Variants in TLE1 observed in about 807,000 individuals in gnomAD.
The protein encoded by TLE1 is transducin-like enhancer protein 1.
In TLE1, 21 loss-of-function variants were observed where a neutral mutation model predicts 89.8. The observed-to-expected ratio is 0.23, with a 90% CI of 0.17 to 0.34. The LOEUF (loss-of-function observed/expected upper bound fraction) is 0.34. TLE1 is among the 10% of genes least tolerant of loss of function. TLE1 has a pLI of 1.00. For missense variants in TLE1, 795 were observed against 1,031.2 expected, an observed-to-expected ratio of 0.77 and a Z score of 3.14; for synonymous variants, 447 against 407.6, an observed-to-expected ratio of 1.10 and a Z score of -1.16.
At chr9:81,607,520 C>T (rs1279715842) in intron 14 of TLE1, among the ~76,000 whole-genome samples, 1 of 152,216 alleles carries the variant, frequency 6.6e-6, no homozygotes, top group Non-Finnish European at 1.5e-5. Context: ...ACTCTTGAAG[C>T]TAGCTTTTTC....
At chr9:81,670,532 G>A (rs999775691) in intron 4 of TLE1, among the ~76,000 whole-genome samples, 1 of 152,046 alleles carries the variant, frequency 6.6e-6, no homozygotes, top group Admixed American at 6.6e-5. Flanking sequence ...CACCATATTG[G>A]CCAGACTGGT....
intron 16 of TLE1, among the ~76,000 whole-genome samples, chr9:81,588,648 C>A (rs980410067): frequency 3.3e-5 from 5 of 152,170 alleles, no homozygotes; most frequent in African/African-American, 7.2e-5. Context: ...TGCAAGGCAA[C>A]TAGCAGAGCT....
chr9:81,641,691 A>G (rs1449170680), intron 6 of TLE1, among the ~76,000 whole-genome samples: 1 of 152,236 alleles, frequency 6.6e-6, no homozygotes, highest in Non-Finnish European at 1.5e-5. Context: ...GCTCAATATC[A>G]TTAATCATGA....
In TLE1 at chr9:81,688,357, C is replaced by G; in HGVS notation, c.-117G>C. 1.7e-6 allele frequency: 2 copies of G among 1,199,122 alleles called. No homozygotes were observed. Among genetic ancestry groups the G allele is most frequent in the Non-Finnish European group, 2.2e-6 (2 of 902,650 alleles). The allele number at this position is 1,199,122 out of a possible 1,614,324, so 74.3% of individuals were successfully genotyped here. On this transcript the variant is annotated 5_prime_UTR_variant, in exon 1 of 20. Coordinates refer to ENST00000376499, the MANE Select transcript of TLE1 (RefSeq NM_005077.5). The stretch of plus-strand genomic sequence containing the variant: ...AAGCCAAGCAGAAGCGGGGAGCGCG[C>G]TGGCCACGCACGCGCGCTCCGCCGG...
At chr9:81,600,601 G>A (rs1275354962) in intron 14 of TLE1, among the ~76,000 whole-genome samples, 1 of 147,836 alleles carries the variant, frequency 6.8e-6, no homozygotes, top group Non-Finnish European at 1.5e-5. Flanking sequence ...AACAAAATGG[G>A]CATGTTATTT....
intron 4 of TLE1, among the ~76,000 whole-genome samples, chr9:81,660,574 C>T (rs1204207277): frequency 1.3e-5 from 2 of 150,466 alleles, no homozygotes; most frequent in African/African-American, 2.4e-5. Flanking sequence ...CTACCACACC[C>T]GGCTAATTTT....
At chr9:81,665,767 G>T (rs1831385083) in intron 4 of TLE1, among the ~76,000 whole-genome samples, 1 of 151,996 alleles carries the variant, frequency 6.6e-6, no homozygotes, top group South Asian at 2.1e-4. Flanking sequence ...GAATGACAAA[G>T]CAACTCTATT....
intron 4 of TLE1, among the ~76,000 whole-genome samples, chr9:81,685,014 A>G (rs111952040): frequency 3.9e-5 from 6 of 152,196 alleles, no homozygotes; most frequent in African/African-American, 1.4e-4. Context: ...GCAAACTCAT[A>G]GTCATTGCTA....
intron 14 of TLE1, among the ~76,000 whole-genome samples, chr9:81,608,914 G>A (rs1333564026): frequency 2.7e-5 from 4 of 150,900 alleles, no homozygotes; most frequent in African/African-American, 9.8e-5. Context: ...TCCAGCCTCG[G>A]CAACGAGTGA....
intron 6 of TLE1, among the ~76,000 whole-genome samples, chr9:81,639,479 C>T (rs377232053): frequency 1.3e-5 from 2 of 151,490 alleles, no homozygotes; most frequent in Admixed American, 6.6e-5. Flanking sequence ...CATTAGTTTA[C>T]AGTAATTAGG....
intron 4 of TLE1, among the ~76,000 whole-genome samples, chr9:81,659,614 T>G (rs1248913824): frequency 1.3e-5 from 2 of 152,174 alleles, no homozygotes; most frequent in Non-Finnish European, 2.9e-5. Flanking sequence ...GGAGTCCAAA[T>G]TACCTGTCTA....
chr9:81,592,923 C>G (rs1829745154), intron 15 of TLE1, 102 bp downstream of exon 15: 1 of 1,464,094 alleles, frequency 6.8e-7, no homozygotes, highest in Non-Finnish European at 9.1e-7. Context: ...GAAGGGGCTT[C>G]TATTTCCTCA....
At chr9:81,596,297 G>A (rs1385364375) in intron 14 of TLE1, among the ~76,000 whole-genome samples, 1 of 152,088 alleles carries the variant, frequency 6.6e-6, no homozygotes, top group Non-Finnish European at 1.5e-5. Context: ...CCGTCCCACG[G>A]GAAGCCCATA....
intron 13 of TLE1, 72 bp from the exon 14 acceptor site, chr9:81,610,368 A>G (rs766087125): frequency 2.4e-5 from 27 of 1,131,562 alleles, no homozygotes; most frequent in Non-Finnish European, 3.3e-5. Flanking sequence ...AATACTGTTC[A>G]TTAGAAACTC....
rs1390096489 is a variant in TLE1 at position 81,671,521 on chromosome 9, T to G, written c.234+14155A>C. 2.0e-5 allele frequency among the ~76,000 whole-genome samples: 3 copies of G among 152,042 alleles called. No individual in the cohort carries two copies. The East Asian group carries it at 5.8e-4, about 30-fold the overall frequency. ...TTAGCAGGGCGTGGTGGCATGTGCC[T>G]GTAATCCCAGCTACTCGAGAGGCCA... On this transcript the variant is annotated intron_variant, in intron 4 of 19. Coordinates refer to ENST00000376499, the MANE Select transcript of TLE1 (RefSeq NM_005077.5).
At chr9:81,622,015 C>T (rs746703833) in intron 8 of TLE1, among the ~76,000 whole-genome samples, 6 of 152,046 alleles carry the variant, frequency 3.9e-5, no homozygotes, top group Admixed American at 6.6e-5. Context: ...AAAGGTGAGC[C>T]GGCTGGATCC....
At chr9:81,619,123 T>C (rs944771876) in intron 9 of TLE1, among the ~76,000 whole-genome samples, 8 of 152,186 alleles carry the variant, frequency 5.3e-5, no homozygotes, top group Non-Finnish European at 8.8e-5. Flanking sequence ...CTGCATGTCA[T>C]AAACCTTCCA....
In TLE1 at chr9:81,590,932, C is replaced by T; in HGVS notation, c.1702G>A (p.Ala568Thr). ...GCGGGGGCCGAGGACGTCAGCTCCG[C>T]CTTGATGCGCGGGGTTGGAGCCGCC... ...DLAAPTPRIK[A>T]ELTSSAPACY... The change falls in exon 16 of 20, where the codon GCG becomes ACG. Residue 568 changes from alanine to threonine, a missense_variant. This residue lies in a region of TLE1 where 214 missense variants were observed against 354.9 expected (regional missense o/e 0.60). Transcript: ENST00000376499. 6.2e-7 allele frequency: 1 copy of T among 1,614,240 alleles called. No individual in the cohort carries two copies. The highest frequency in any genetic ancestry group is 8.5e-7 in the Non-Finnish European group (1 of 1,180,052).
chr9:81,607,648 A>G lies in TLE1; in HGVS notation c.1331+2572T>C, dbSNP rs77764293. On this transcript the variant is annotated intron_variant, in intron 14 of 19. Transcript: ENST00000376499. ...TGGTTTGCCCTTTATCCACTCACCA[A>G]TCAGTAGAACACAACAGCTACAACA... Among the ~76,000 whole-genome samples, 569 of 152,306 alleles carry G rather than the reference A, an allele frequency of 3.7e-3. 1 individual carries two copies. Among genetic ancestry groups the G allele is most frequent in the African/African-American group, 0.013 (541 of 41,564 alleles).
Sources: gnomAD v4.1 joint callset for allele counts (sites outside exome capture counted in the v4.1 genomes callset) on GRCh38, gnomAD v4.1.1 for gene constraint, gnomAD v4.1.1 regional missense constraint, MANE v1.5 for transcripts, NCBI Gene and HGNC (gene_info 2026-07-23, HGNC 2026-07-21) for gene names.